NRXN1: variants seen among roughly 807,000 people sequenced by gnomAD.
NRXN1 encodes neurexin 1, also known as neurexin-1.
A neutral mutation model predicts 150.9 loss-of-function variants in NRXN1; 39 were observed. The observed-to-expected ratio is 0.26, with a 90% CI of 0.20 to 0.34. The LOEUF is 0.34. NRXN1 is among the 10% of genes least tolerant of loss of function. NRXN1 has a pLI of 1.00. For synonymous variants in NRXN1, 924 were observed against 757.0 expected, an observed-to-expected ratio of 1.22 and a Z score of -3.62; for missense variants, 1,815 against 1,949.9, an observed-to-expected ratio of 0.93 and a Z score of 1.30.
At chr2:50,196,430 A>G (rs2061771399) in intron 18 of NRXN1, among the ~76,000 whole-genome samples, 1 of 152,132 alleles carries the variant, frequency 6.6e-6, no homozygotes, top group Non-Finnish European at 1.5e-5. Context: ...AATTTTATTT[A>G]TGTTTTGATT....
chr2:50,163,093 T>A (rs2059456145), intron 18 of NRXN1, among the ~76,000 whole-genome samples: 1 of 146,000 alleles, frequency 6.8e-6, no homozygotes, highest in Non-Finnish European at 1.5e-5. Context: ...AAATTAGACA[T>A]GTTTACCTTA....
At chr2:49,963,363 T>C (rs1248471064) in intron 21 of NRXN1, among the ~76,000 whole-genome samples, 1 of 152,114 alleles carries the variant, frequency 6.6e-6, no homozygotes, top group African/African-American at 2.4e-5. Flanking sequence ...AGTTCTGGTG[T>C]AGGCAAAGTA....
chr2:50,764,482 A>T (rs181535348), intron 5 of NRXN1, among the ~76,000 whole-genome samples: 1 of 152,178 alleles, frequency 6.6e-6, no homozygotes, highest in Admixed American at 6.6e-5. Context: ...TGAGTAACAC[A>T]TATTGAATAC....
At chr2:50,218,191 A>T (rs957899883) in intron 18 of NRXN1, among the ~76,000 whole-genome samples, 1 of 152,082 alleles carries the variant, frequency 6.6e-6, no homozygotes, top group African/African-American at 2.4e-5. Flanking sequence ...GAGAGTTTTC[A>T]CTATTCAAGT....
At chr2:49,965,656 GA>G (rs201444311) in intron 21 of NRXN1, among the ~76,000 whole-genome samples, 13 of 151,048 alleles carry the variant, frequency 8.6e-5, no homozygotes, top group African/African-American at 2.2e-4. Context: ...CACACTGATA[GA>G]AAAAAAAATG....
chr2:50,415,945 C>G (rs1257368774), intron 17 of NRXN1, among the ~76,000 whole-genome samples: 1 of 106,482 alleles, frequency 9.4e-6, no homozygotes, highest in Non-Finnish European at 1.7e-5. Context: ...AGTAGTTATT[C>G]AACAACATAC....
chr2:50,252,952 T>C (rs1269306832), intron 17 of NRXN1, among the ~76,000 whole-genome samples: 1 of 152,206 alleles, frequency 6.6e-6, no homozygotes, highest in Non-Finnish European at 1.5e-5. Context: ...GTAAAGAATG[T>C]CAATGGTAGT....
intron 5 of NRXN1, among the ~76,000 whole-genome samples, chr2:50,883,215 A>T (rs1412280943): frequency 6.6e-6 from 1 of 151,850 alleles, no homozygotes; most frequent in East Asian, 1.9e-4. Flanking sequence ...TGAATAATTA[A>T]GAGTAAATCC....
intron 6 of NRXN1, 53 bp downstream of exon 6, chr2:50,623,261 A>G: frequency 7.0e-6 from 10 of 1,438,552 alleles, no homozygotes; most frequent in Non-Finnish European, 9.7e-6. Context: ...TACCACACAC[A>G]CAGCTATAGC....
chr2:50,296,404 T>C (rs2073565157), intron 17 of NRXN1, among the ~76,000 whole-genome samples: 1 of 152,178 alleles, frequency 6.6e-6, no homozygotes, highest in Admixed American at 6.5e-5. Flanking sequence ...GAGTGCAGAT[T>C]TGTTAAATGG....
chr2:50,141,650 T>C (rs888715288), intron 18 of NRXN1, among the ~76,000 whole-genome samples: 1 of 152,040 alleles, frequency 6.6e-6, no homozygotes, highest in Non-Finnish European at 1.5e-5. Flanking sequence ...ACAAAGAATC[T>C]GAAAAGACAT....
chr2:50,452,969 C>T (rs2087139308), intron 17 of NRXN1, among the ~76,000 whole-genome samples: 1 of 152,114 alleles, frequency 6.6e-6, no homozygotes, highest in South Asian at 2.1e-4. Flanking sequence ...TCAATATTGC[C>T]AGCCAATGGG....
chr2:50,099,396 C>T (rs1046303753), intron 18 of NRXN1, among the ~76,000 whole-genome samples: 4 of 151,920 alleles, frequency 2.6e-5, no homozygotes, highest in Admixed American at 2.6e-4. Context: ...ATTCACATAT[C>T]ATAACATTTG....
intron 19 of NRXN1, among the ~76,000 whole-genome samples, chr2:50,073,183 A>G (rs542822664): frequency 6.6e-6 from 1 of 152,276 alleles, no homozygotes; most frequent in African/African-American, 2.4e-5. Flanking sequence ...AGCTCCAGAC[A>G]TTTGCAGACA....
At chr2:49,974,188 G>C (rs1678502623) in intron 21 of NRXN1, 1 of 707,478 alleles carries the variant, frequency 1.4e-6, no homozygotes, top group South Asian at 1.5e-5. Context: ...AGATGGGCGA[G>C]AAAAGACACA....
intron 5 of NRXN1, among the ~76,000 whole-genome samples, chr2:50,691,857 CATTCCCTATTCTAAGATGA>C (rs1430669635): frequency 1.3e-5 from 2 of 152,176 alleles, no homozygotes; most frequent in Non-Finnish European, 2.9e-5. Context: ...CAACAGCTCC[CATTCCCTATTCTAAGATGA>C]ATACTAAGAC....
At chr2:50,563,070 T>C (rs1244549509) in intron 8 of NRXN1, among the ~76,000 whole-genome samples, 2 of 152,140 alleles carry the variant, frequency 1.3e-5, no homozygotes, top group African/African-American at 4.8e-5. Context: ...AAAAAAGCAA[T>C]CACTGAATAT....
intron 2 of NRXN1, among the ~76,000 whole-genome samples, chr2:51,020,295 T>A (rs1241337793): frequency 6.6e-6 from 1 of 151,736 alleles, no homozygotes; most frequent in Non-Finnish European, 1.5e-5. Context: ...TATGCACTCA[T>A]ATAATTGCTG....
At chr2:50,454,753 A>T (rs1164053114) in intron 17 of NRXN1, among the ~76,000 whole-genome samples, 1 of 151,880 alleles carries the variant, frequency 6.6e-6, no homozygotes. Context: ...ATTACTGAGC[A>T]TTTAATAAGT....
Sources: allele counts gnomAD v4.1 joint callset (sites outside exome capture counted in the v4.1 genomes callset), GRCh38; gene constraint gnomAD v4.1.1; transcripts MANE v1.5; gene names NCBI Gene and HGNC (gene_info 2026-07-23, HGNC 2026-07-21).